The following TMEM132D variants were observed in gnomAD, a reference collection of about 807,000 sequenced individuals.
TMEM132D encodes the protein transmembrane protein 132D.
Under a neutral mutation model 62.3 loss-of-function variants are expected in TMEM132D, and 21 were observed. That is an observed-to-expected ratio of 0.34 (90% CI 0.24 to 0.49). The LOEUF (loss-of-function observed/expected upper bound fraction) is 0.49. TMEM132D is among the 20% of genes least tolerant of loss of function. The pLI, the probability that TMEM132D is intolerant of heterozygous loss-of-function variation, is 0.99. For missense variants in TMEM132D, 1,346 were observed against 1,402.8 expected (o/e 0.96, Z 0.65); for synonymous variants, 621 against 575.6 (o/e 1.08, Z -1.13).
intron 1 of TMEM132D, among the ~76,000 whole-genome samples, chr12:129,715,060 A>T (rs1233714578): frequency 2.0e-5 from 3 of 152,204 alleles, no homozygotes; most frequent in East Asian, 1.9e-4. Flanking sequence ...ATAATTTTTT[A>T]AAAATGGTTT....
intron 1 of TMEM132D, among the ~76,000 whole-genome samples, chr12:129,706,093 C>CAAG (rs144314034): frequency 0.017 from 2,546 of 151,464 alleles, 102 homozygotes; most frequent in East Asian, 0.13. Flanking sequence ...CACAGATAAA[C>CAAG]AAAAATAGAA....
At chr12:129,504,467 C>CTGGG (rs1875269117) in intron 3 of TMEM132D, among the ~76,000 whole-genome samples, 1 of 152,110 alleles carries the variant, frequency 6.6e-6, no homozygotes. Context: ...CTGATTTAAG[C>CTGGG]TGGGTGGGTT....
intron 5 of TMEM132D, among the ~76,000 whole-genome samples, chr12:129,135,262 T>G (rs1876524917): frequency 6.6e-6 from 1 of 152,172 alleles, no homozygotes; most frequent in Non-Finnish European, 1.5e-5. Context: ...CATATTCCCT[T>G]TTTTCTGTTT....
chr12:129,075,330 T>C (rs1316941655), intron 8 of TMEM132D, among the ~76,000 whole-genome samples: 2 of 152,042 alleles, frequency 1.3e-5, no homozygotes, highest in East Asian at 1.9e-4. Flanking sequence ...TTTTTTTTTT[T>C]TCTCCTGTAG....
intron 3 of TMEM132D, among the ~76,000 whole-genome samples, chr12:129,376,214 C>T (rs1870775140): frequency 6.6e-6 from 1 of 152,118 alleles, no homozygotes; most frequent in African/African-American, 2.4e-5. Flanking sequence ...CATTCTCATG[C>T]TGCTAATAAA....
intron 4 of TMEM132D, among the ~76,000 whole-genome samples, chr12:129,254,479 G>C (rs1371777531): frequency 3.3e-5 from 5 of 152,166 alleles, no homozygotes; most frequent in Non-Finnish European, 1.5e-5. Flanking sequence ...AGTAGGACTT[G>C]CTCAAGTTAT....
At chr12:129,473,238 T>C (rs145634147) in intron 3 of TMEM132D, among the ~76,000 whole-genome samples, 50 of 151,686 alleles carry the variant, frequency 3.3e-4, no homozygotes, top group African/African-American at 1.0e-3. Flanking sequence ...GTCGTCCATG[T>C]CGGGTAAGAC....
At chr12:129,562,227 G>A (rs1054501018) in intron 2 of TMEM132D, among the ~76,000 whole-genome samples, 2 of 152,096 alleles carry the variant, frequency 1.3e-5, no homozygotes, top group African/African-American at 2.4e-5. Context: ...ACCAGATCCA[G>A]GTCATATCTG....
At chr12:129,739,915 T>G (rs529889761) in intron 1 of TMEM132D, among the ~76,000 whole-genome samples, 1 of 152,346 alleles carries the variant, frequency 6.6e-6, no homozygotes, top group African/African-American at 2.4e-5. Context: ...CTCCTGGGCC[T>G]TCTTTCATTC....
chr12:129,614,546 A>G (rs1878864879), intron 2 of TMEM132D, among the ~76,000 whole-genome samples: 2 of 152,230 alleles, frequency 1.3e-5, no homozygotes, highest in East Asian at 1.9e-4. Context: ...TTAAATCCCA[A>G]TCACTAATAT....
At chr12:129,436,720 T>C (rs1252061646) in intron 3 of TMEM132D, among the ~76,000 whole-genome samples, 1 of 152,234 alleles carries the variant, frequency 6.6e-6, no homozygotes, top group African/African-American at 2.4e-5. Flanking sequence ...TAAAATATTT[T>C]AACACGTCAC....
At chr12:129,287,933 GT>G (rs1451394174) in intron 4 of TMEM132D, among the ~76,000 whole-genome samples, 1 of 152,194 alleles carries the variant, frequency 6.6e-6, no homozygotes, top group East Asian at 1.9e-4. Flanking sequence ...GAGACATATG[GT>G]TTTAAGCACT....
rs191969728 is a variant in TMEM132D at position 129,290,995 on chromosome 12, G to A, written c.1299+46639C>T. Among the ~76,000 whole-genome samples the A allele has an allele frequency of 4.8e-4, 73 of 152,216 alleles. 2 individuals carry two copies. Among genetic ancestry groups the A allele is most frequent in the African/African-American group, 1.3e-3 (56 of 41,536 alleles). ...TAAATTGCCCATAAAGTATAGTGTC[G>A]AAGGTTTCATGTATCCAAAGCAATA... On this transcript the variant is annotated intron_variant, in intron 4 of 8. Coordinates refer to ENST00000422113, the MANE Select transcript of TMEM132D (RefSeq NM_133448.3).
chr12:129,189,576 C>T (rs747936337), intron 5 of TMEM132D, among the ~76,000 whole-genome samples: 11 of 152,148 alleles, frequency 7.2e-5, no homozygotes, highest in East Asian at 1.9e-4. Flanking sequence ...ACCCAGGGTG[C>T]GTGAGGTCCA....
At chr12:129,831,411 T>G (rs756863420) in intron 1 of TMEM132D, among the ~76,000 whole-genome samples, 8 of 152,200 alleles carry the variant, frequency 5.3e-5, no homozygotes, top group African/African-American at 1.9e-4. Flanking sequence ...ATATTTTATA[T>G]AGAGAGACTG....
rs1874187611 is a variant in TMEM132D, at chr12:129,074,592, G to A, written c.2583C>T (p.Ile861=). 1 of 1,613,944 alleles carries A rather than the reference G, an allele frequency of 6.2e-7. No individual in the cohort carries two copies. The highest frequency in any genetic ancestry group is 1.3e-5 in the African/African-American group (1 of 74,862). ...TTTCCTGGCCTTTCTTCTTCTGCAG[G>A]ATGGACCTGTCTGTCGTGGTGCCCC... is the stretch of plus-strand genomic sequence containing the variant. ...EGRGTTTDRS[I]LQKKKGQESL... The change falls in exon 9 of 9, where the codon ATC becomes ATT. Residue 861 remains isoleucine, a synonymous_variant. Transcript: ENST00000422113.
chr12:129,636,737 T>TGTGTGTGGA (rs375868329), intron 2 of TMEM132D, among the ~76,000 whole-genome samples: 1 of 113,562 alleles, frequency 8.8e-6, no homozygotes, highest in Non-Finnish European at 1.8e-5. Context: ...TGTGTGTGTG[T>TGTGTGTGGA]GAGAGAGAGA....
At chr12:129,272,815 C>G (rs368349045) in intron 4 of TMEM132D, among the ~76,000 whole-genome samples, 1 of 151,724 alleles carries the variant, frequency 6.6e-6, no homozygotes, top group Non-Finnish European at 1.5e-5. Context: ...AATCCCAGCA[C>G]TTTGGGAGGC....
intron 2 of TMEM132D, among the ~76,000 whole-genome samples, chr12:129,642,698 C>A (rs149693416): frequency 1.3e-5 from 2 of 152,256 alleles, no homozygotes; most frequent in African/African-American, 4.8e-5. Context: ...TTCAAATAAA[C>A]CCTTCAAGAT....
Sources: gnomAD v4.1 joint callset for allele counts (sites outside exome capture counted in the v4.1 genomes callset) on GRCh38, gnomAD v4.1.1 for gene constraint, MANE v1.5 for transcripts, NCBI Gene and HGNC (gene_info 2026-07-23, HGNC 2026-07-21) for gene names.